PNPLA1: variants seen among roughly 807,000 people sequenced by gnomAD.
PNPLA1 encodes the protein omega-hydroxyceramide transacylase.
Under a neutral mutation model 51.7 loss-of-function variants are expected in PNPLA1, and 36 were observed. The observed-to-expected ratio is 0.70, with a 90% CI of 0.53 to 0.92. The LOEUF (loss-of-function observed/expected upper bound fraction) is 0.92. Ranked by LOEUF, PNPLA1 falls within the 40% of genes least tolerant of loss-of-function variation. The pLI is 0.00. For synonymous variants in PNPLA1, 293 were observed against 280.1 expected, an observed-to-expected ratio of 1.05 and a Z score of -0.46; for missense variants, 658 against 682.5, an observed-to-expected ratio of 0.96 and a Z score of 0.40.
At chr6:36,289,998 G>A (rs1421106211) in intron 1 of PNPLA1, among the ~76,000 whole-genome samples, 2 of 152,102 alleles carry the variant, frequency 1.3e-5, no homozygotes, top group Non-Finnish European at 2.9e-5. Flanking sequence ...CGGATATATT[G>A]CAAGGTGCCT....
intron 1 of PNPLA1, among the ~76,000 whole-genome samples, chr6:36,276,421 A>G (rs1289086003): frequency 6.6e-6 from 1 of 152,210 alleles, no homozygotes; most frequent in Non-Finnish European, 1.5e-5. Flanking sequence ...AGTTCAAGGC[A>G]CATGAAAATG....
intron 3 of PNPLA1, among the ~76,000 whole-genome samples, chr6:36,293,766 T>A (rs1442824569): frequency 1.3e-5 from 2 of 152,110 alleles, no homozygotes; most frequent in Admixed American, 1.3e-4. Context: ...AGAGCCTCAG[T>A]ATTTGTTGTC....
At chr6:36,303,051 C>T (rs757832834) in intron 6 of PNPLA1, among the ~76,000 whole-genome samples, 3 of 152,170 alleles carry the variant, frequency 2.0e-5, no homozygotes, top group Non-Finnish European at 4.4e-5. Flanking sequence ...TTTACTAATT[C>T]ATTTGCATTG....
In PNPLA1 at chr6:36,294,234, C is replaced by G. The variant is rs1770782200; in HGVS notation, c.549C>G (p.Phe183Leu). ...GGFTGMQPCA[F>L]WTDAITISTF... ...TCACGGGCATGCAGCCCTGTGCCTT[C>G]TGGACCGACGCCATCACCATCTCCA... The change falls in exon 4 of 9, where the codon TTC becomes TTG. Residue 183 changes from phenylalanine to leucine, a missense_variant. Phe to Leu is a conservative substitution (Grantham distance 22, BLOSUM62 0). Coordinates refer to ENST00000636260, the MANE Select transcript of PNPLA1 (RefSeq NM_001374623.1). The surrounding 1 kb of genome is among the most constrained non-coding windows in gnomAD (Gnocchi z 4.2). The G allele has an allele frequency of 4.3e-6, 7 of 1,614,230 alleles. No homozygotes were observed. Among genetic ancestry groups the G allele is most frequent in the Non-Finnish European group, 5.1e-6 (6 of 1,180,028 alleles).
At chr6:36,287,587 C>T (rs1244266969) in intron 1 of PNPLA1, among the ~76,000 whole-genome samples, 1 of 152,172 alleles carries the variant, frequency 6.6e-6, no homozygotes, top group African/African-American at 2.4e-5. Flanking sequence ...CTAAATTTAT[C>T]CCCTTTCTCA....
intron 1 of PNPLA1, among the ~76,000 whole-genome samples, chr6:36,248,043 G>A (rs184556501): frequency 2.0e-5 from 3 of 152,182 alleles, no homozygotes; most frequent in Admixed American, 6.5e-5. Flanking sequence ...CTCCAGTCCC[G>A]GGCTCATCTG....
rs1561865482 is a variant in PNPLA1, at chr6:36,293,107, C to A, written c.485C>A (p.Pro162His). ...CFVPVYCGLIPPTYRGVRYID... is the reference protein window; with the variant it reads ...CFVPVYCGLIHPTYRGVRYID... ...GTCCCGGTGTACTGTGGCCTCATCC[C>A]CCCGACTTACCGCGGTGTGGTGAGT... The change falls in exon 3 of 9, where the codon CCC becomes CAC. Residue 162 changes from proline (P) to histidine (H), a missense_variant. Transcript: ENST00000636260. The A allele has an allele frequency of 1.2e-6, 2 of 1,614,084 alleles. No individual in the cohort carries two copies. Among genetic ancestry groups the A allele is most frequent in the Non-Finnish European group, 1.7e-6 (2 of 1,179,968 alleles).
Position 36,270,583 on chromosome 6 carries a change from A to T in PNPLA1, c.124A>T (p.Met42Leu), listed in dbSNP as rs1769881874. ...VDALRDLAPR[M>L]LETAHRFAGT... ...CGCCCTGCGGGACCTGGCCCCCCGG[A>T]TGCTGGAAACAGCCCACCGCTTTGC... is the stretch of plus-strand genomic sequence containing the variant. The change falls in exon 1 of 9, where the codon ATG becomes TTG. Residue 42 changes from methionine (M) to leucine (L), a missense_variant. Met to Leu is a conservative substitution (Grantham distance 15, BLOSUM62 2). Coordinates refer to ENST00000636260, the MANE Select transcript of PNPLA1 (RefSeq NM_001374623.1). 6.4e-7 allele frequency: 1 copy of T among 1,551,504 alleles called. No homozygotes were observed. Among genetic ancestry groups the T allele is most frequent in the Non-Finnish European group, 8.7e-7 (1 of 1,147,008 alleles).
chr6:36,310,212 G>T lies in PNPLA1; in HGVS notation c.1596-1551G>T, dbSNP rs1482515039. 5.3e-5 allele frequency among the ~76,000 whole-genome samples: 8 copies of T among 152,310 alleles called. No homozygotes were observed. The South Asian group carries it at 1.5e-3, about 28-fold the overall frequency. On this transcript the variant is annotated intron_variant, in intron 8 of 8. Coordinates refer to ENST00000636260, the MANE Select transcript of PNPLA1 (RefSeq NM_001374623.1). ...TAGCTCTATTTAGGCTGCAGGCTGGGTTAAGTCTGCTCCAGGACCCTTTCA... is the reference window on the plus strand; with the variant it reads ...TAGCTCTATTTAGGCTGCAGGCTGGTTTAAGTCTGCTCCAGGACCCTTTCA...
chr6:36,285,539 C>A (rs966641028), intron 1 of PNPLA1, among the ~76,000 whole-genome samples: 8 of 152,164 alleles, frequency 5.3e-5, no homozygotes, highest in Admixed American at 3.3e-4. Flanking sequence ...GGAAGAGAAG[C>A]CTTCTGTTTT....
intron 1 of PNPLA1, among the ~76,000 whole-genome samples, chr6:36,250,597 T>C (rs1769399920): frequency 6.6e-6 from 1 of 152,214 alleles, no homozygotes; most frequent in Non-Finnish European, 1.5e-5. Flanking sequence ...TGTCTACTAG[T>C]GCTAGGCACC....
intron 1 of PNPLA1, among the ~76,000 whole-genome samples, chr6:36,272,452 C>T (rs1227204746): frequency 6.6e-6 from 1 of 152,230 alleles, no homozygotes; most frequent in Non-Finnish European, 1.5e-5. Flanking sequence ...GGCCTGGTTC[C>T]TAACAGGCCA....
chr6:36,300,178 T>TGTGTGTGTGA lies in PNPLA1; in HGVS notation c.776-1682_776-1681insTGTGTGTGAG. On this transcript the variant is annotated intron_variant, in intron 5 of 8. Transcript: ENST00000636260. ...TCTTATTCTTGTGTGTGTGTGTGTG[T>TGTGTGTGTGA]GAGAGAGAGAGAGAGAGAGAGAGAG... is the stretch of plus-strand genomic sequence containing the variant. 4.3e-3 allele frequency among the ~76,000 whole-genome samples: 426 copies of TGTGTGTGTGA among 98,136 alleles called. 9 individuals are homozygous for TGTGTGTGTGA. Among genetic ancestry groups the TGTGTGTGTGA allele is most frequent in the African/African-American group, 0.014 (409 of 30,116 alleles). 64.4% of individuals were successfully genotyped at this position (98,136 alleles called of 152,430 possible).
chr6:36,261,861 G>A (rs1429877862), intron 1 of PNPLA1, among the ~76,000 whole-genome samples: 2 of 152,174 alleles, frequency 1.3e-5, no homozygotes, highest in Non-Finnish European at 2.9e-5. Flanking sequence ...TAAGAAAGGC[G>A]GCTGGACTTA....
intron 1 of PNPLA1, among the ~76,000 whole-genome samples, chr6:36,245,485 A>T (rs544848614): frequency 2.0e-5 from 3 of 152,232 alleles, no homozygotes; most frequent in African/African-American, 7.2e-5. Context: ...AGAACTCAAG[A>T]TGTTCCTTTA....
At chr6:36,306,990 C>T (rs760882816) in intron 7 of PNPLA1, among the ~76,000 whole-genome samples, 15 of 152,158 alleles carry the variant, frequency 9.9e-5, no homozygotes, top group Non-Finnish European at 2.1e-4. Context: ...CCCAGGCTCC[C>T]TTGCTGGCTG....
chr6:36,291,941 G>A (rs950869181), intron 2 of PNPLA1, among the ~76,000 whole-genome samples: 5 of 152,288 alleles, frequency 3.3e-5, no homozygotes, highest in African/African-American at 4.8e-5. Context: ...AGGGGAGAGG[G>A]GCCCCCATGT....
chr6:36,310,641 G>A (rs1341447930), intron 8 of PNPLA1, among the ~76,000 whole-genome samples: 1 of 152,194 alleles, frequency 6.6e-6, no homozygotes, highest in East Asian at 1.9e-4. Context: ...TAACATGCCC[G>A]AAGCTACACA....
In PNPLA1 at chr6:36,270,401, C is replaced by G. The variant is rs769088425; in HGVS notation, c.-59C>G. ...CCTACAGGGAGCGGCAGCCCAGGCT[C>G]GGGCAGGCAAGTGCTGAAGGGTGGC... On this transcript the variant is annotated 5_prime_UTR_variant, in exon 1 of 9. Transcript: ENST00000636260. 6.6e-7 allele frequency: 1 copy of G among 1,520,834 alleles called. No homozygotes were observed. The highest frequency in any genetic ancestry group is 1.4e-5 in the African/African-American group (1 of 72,628). The allele number at this position is 1,520,834 out of a possible 1,614,324, so 94.2% of individuals were successfully genotyped here. A position where few individuals can be genotyped will look rare whatever the true frequency, so the allele number is the denominator to read the frequency against.
Sources: gnomAD v4.1 joint callset for allele counts (sites outside exome capture counted in the v4.1 genomes callset) on GRCh38, gnomAD v4.1.1 for gene constraint, Gnocchi (gnomAD v3.1) non-coding constraint, MANE v1.5 for transcripts, NCBI Gene and HGNC (gene_info 2026-07-23, HGNC 2026-07-21) for gene names.